Variants in CD109 observed in about 807,000 individuals in gnomAD.
CD109 encodes the protein CD109 antigen.
In CD109, 149 loss-of-function variants were observed where a neutral mutation model predicts 165.8. The observed-to-expected ratio is 0.90, with a 90% CI of 0.79 to 1.03. The LOEUF (loss-of-function observed/expected upper bound fraction) is 1.03, where lower values mean the gene tolerates loss of function less well. CD109 is among the 50% of genes least tolerant of loss of function. The pLI, the probability that CD109 is intolerant of heterozygous loss-of-function variation, is 0.00. For missense variants in CD109, 1,712 were observed against 1,677.8 expected (o/e 1.02, Z -0.36); for synonymous variants, 585 against 592.1 (o/e 0.99, Z 0.18).
intron 2 of CD109, among the ~76,000 whole-genome samples, chr6:73,709,813 G>A (rs1191042711): frequency 6.6e-6 from 1 of 152,062 alleles, no homozygotes; most frequent in African/African-American, 2.4e-5. Context: ...ACGTAATCCA[G>A]CATATAAACA....
the CD109 span, among the ~76,000 whole-genome samples, chr6:73,680,634 G>T: frequency 6.6e-6 from 1 of 152,186 alleles, no homozygotes; most frequent in Non-Finnish European, 1.5e-5. Context: ...GCAGGGGAAA[G>T]GTCCATGCCT....
Position 73,808,077 on chromosome 6 carries a change from TCCAAGC to T in CD109, c.3190-4_3191del. ...ATAGTAAAAAACATACTTTTTTTCTTCCAAGCCTAACATTGATGTGCAAGAGTCTAT... is the reference window on the plus strand; with the variant it reads ...ATAGTAAAAAACATACTTTTTTTCTTCTAACATTGATGTGCAAGAGTCTAT... On this transcript the variant is annotated splice_acceptor_variant and splice_polypyrimidine_tract_variant and coding_sequence_variant and intron_variant, in exon 26 of 33. Transcript: ENST00000287097. LOFTEE classifies it high-confidence loss of function. 1 of 1,611,836 alleles carries T rather than the reference TCCAAGC, an allele frequency of 6.2e-7. No homozygotes were observed.
At chr6:73,810,863 A>G (rs1237958342) in intron 27 of CD109, 129 bp from the exon 28 acceptor site, 6 of 881,158 alleles carry the variant, frequency 6.8e-6, no homozygotes, top group African/African-American at 6.8e-5. Context: ...GGACATTCAA[A>G]TATGAATCAG....
rs941931201 is a variant in CD109 at position 73,782,829 on chromosome 6, CT to C, written c.2105+75del. On this transcript the variant is annotated intron_variant, in intron 18 of 32. Transcript: ENST00000287097. ...GTTTTAAATAAGCTTTGCCCGCTTT[CT>C]AATGTTTAAGTACAAACATAGTGTA... is the stretch of plus-strand genomic sequence containing the variant. 16 of 1,459,818 alleles carry C rather than the reference CT, an allele frequency of 1.1e-5. No individual in the cohort carries two copies. In the African/African-American group the frequency reaches 1.7e-4, roughly 15 times the overall value. The allele number at this position is 1,459,818 out of a possible 1,614,324, so 90.4% of individuals were successfully genotyped here. A position where few individuals can be genotyped will look rare whatever the true frequency, so the allele number is the denominator to read the frequency against.
At chr6:73,820,053 C>G (rs1347489041) in intron 31 of CD109, among the ~76,000 whole-genome samples, 2 of 152,132 alleles carry the variant, frequency 1.3e-5, no homozygotes, top group East Asian at 1.9e-4. Flanking sequence ...GAGTACAGCC[C>G]CATCTTAGTT....
chr6:73,756,165 T>C (rs1260243727), intron 5 of CD109, among the ~76,000 whole-genome samples: 4 of 152,248 alleles, frequency 2.6e-5, no homozygotes, highest in South Asian at 2.1e-4. Flanking sequence ...CATGTTGTTC[T>C]ATGAAGATTT....
chr6:73,697,811 G>C (rs2150142790), intron 2 of CD109, among the ~76,000 whole-genome samples: 1 of 152,278 alleles, frequency 6.6e-6, no homozygotes, highest in African/African-American at 2.4e-5. Flanking sequence ...TGGCTCCCAA[G>C]ACTGCAGGGG....
chr6:73,685,148 C>A, the CD109 span, among the ~76,000 whole-genome samples: 1 of 151,334 alleles, frequency 6.6e-6, no homozygotes, highest in Admixed American at 6.6e-5. Context: ...ATGATCCACC[C>A]GCCTCAGCCT....
At chr6:73,697,825 A>G (rs1562016562) in intron 2 of CD109, among the ~76,000 whole-genome samples, 1 of 152,162 alleles carries the variant, frequency 6.6e-6, no homozygotes, top group African/African-American at 2.4e-5. Context: ...GCAGGGGAAG[A>G]TCATGGAGTT....
At chr6:73,798,094 G>A (rs1396276836) in intron 23 of CD109, among the ~76,000 whole-genome samples, 1 of 149,876 alleles carries the variant, frequency 6.7e-6, no homozygotes, top group South Asian at 2.1e-4. Context: ...CATTATAGAC[G>A]AGTCATCAGT....
Position 73,762,416 on chromosome 6 carries a change from T to G in CD109, c.791T>G (p.Val264Gly), listed in dbSNP as rs1011787104. The G allele has an allele frequency of 6.2e-7, 1 of 1,611,536 alleles. No individual in the cohort carries two copies. The highest frequency in any genetic ancestry group is 1.7e-5 in the Admixed American group (1 of 59,958). The change falls in exon 8 of 33, where the codon GTA (valine) becomes GGA (glycine). Residue 264 changes from valine (V) to glycine (G), a missense_variant. Coordinates refer to ENST00000287097, the MANE Select transcript of CD109 (RefSeq NM_133493.5). ...YTYGKPVKGD[V>G]TLTFLPLSFW... ...TATGGGAAGCCAGTGAAAGGAGACG[T>G]AACGCTTACATTTTTACCTTTATCC...
At chr6:73,692,931 C>T (rs1184930728), upstream of CD109, among the ~76,000 whole-genome samples, 1 of 152,130 alleles carries the variant, frequency 6.6e-6, no homozygotes, top group Non-Finnish European at 1.5e-5. Context: ...TATAAATTAC[C>T]CAGTCTCAGG....
chr6:73,715,979 G>C (rs1771729964), intron 2 of CD109, among the ~76,000 whole-genome samples: 1 of 152,052 alleles, frequency 6.6e-6, no homozygotes, highest in South Asian at 2.1e-4. Context: ...TCCATTATTA[G>C]TTAAATTGTT....
chr6:73,693,385 C>T (rs1770721663), upstream of CD109, among the ~76,000 whole-genome samples: 1 of 152,166 alleles, frequency 6.6e-6, no homozygotes, highest in Non-Finnish European at 1.5e-5. Flanking sequence ...CACCCCCCGA[C>T]CCCCAGGGAG....
At chr6:73,767,038 G>A (rs1338189959) in intron 13 of CD109, 28 bp downstream of exon 13, 1 of 1,571,890 alleles carries the variant, frequency 6.4e-7, no homozygotes, top group Non-Finnish European at 8.7e-7. Flanking sequence ...CTAAATTTAT[G>A]ATCTATTATA....
chr6:73,779,909 C>T (rs9442961), intron 15 of CD109, among the ~76,000 whole-genome samples: 59,163 of 151,598 alleles, frequency 0.39, 11,819 homozygotes, highest in African/African-American at 0.48. Context: ...TTGAAAAAAC[C>T]GTATCTCATG....
chr6:73,752,026 T>C (rs1773208861), intron 5 of CD109, among the ~76,000 whole-genome samples: 2 of 152,200 alleles, frequency 1.3e-5, no homozygotes, highest in Non-Finnish European at 2.9e-5. Context: ...TATGTGCAGA[T>C]TTAACAAATT....
intron 20 of CD109, among the ~76,000 whole-genome samples, chr6:73,786,769 A>G (rs1437849056): frequency 6.6e-6 from 1 of 152,224 alleles, no homozygotes; most frequent in Admixed American, 6.5e-5. Context: ...TTCAGGACTA[A>G]TATCTGAGTT....
chr6:73,732,030 T>C (rs1772384043), intron 4 of CD109, among the ~76,000 whole-genome samples: 1 of 152,208 alleles, frequency 6.6e-6, no homozygotes, highest in South Asian at 2.1e-4. Flanking sequence ...GAGATCCAGC[T>C]GGGCCTGGTT....
Sources: allele counts gnomAD v4.1 joint callset (sites outside exome capture counted in the v4.1 genomes callset), GRCh38; gene constraint gnomAD v4.1.1; transcripts MANE v1.5; gene names NCBI Gene and HGNC (gene_info 2026-07-23, HGNC 2026-07-21).